Variants in ADARB2 observed in about 807,000 individuals in gnomAD.
The protein encoded by ADARB2 is adenosine deaminase RNA specific B2 (inactive).
Under a neutral mutation model 62.2 loss-of-function variants are expected in ADARB2, and 25 were observed. The ratio of observed to expected loss-of-function variants is 0.40; its 90% confidence interval spans 0.29 to 0.56. The LOEUF is 0.56. ADARB2 is among the 20% of genes least tolerant of loss of function. The pLI is 0.43. For synonymous variants in ADARB2, 572 were observed against 500.8 expected, an observed-to-expected ratio of 1.14 and a Z score of -1.90; for missense variants, 1,071 against 1,077.4, an observed-to-expected ratio of 0.99 and a Z score of 0.08.
chr10:1,478,713 A>C lies in ADARB2; in HGVS notation c.101-99553T>G, dbSNP rs1831432154. On this transcript the variant is annotated intron_variant, in intron 1 of 9. Transcript: ENST00000381312. ...AAGGACCCTCGGACGGGAGAGCGCC[A>C]AAACAAGGACCCTCGGACGGGAGAG... Among the ~76,000 whole-genome samples, 3 of 151,938 alleles carry C rather than the reference A, an allele frequency of 2.0e-5. No homozygotes were observed. In the South Asian group the frequency reaches 6.3e-4, roughly 32 times the overall value.
intron 1 of ADARB2, among the ~76,000 whole-genome samples, chr10:1,511,749 C>T (rs1831939045): frequency 6.6e-6 from 1 of 151,562 alleles, no homozygotes. Context: ...GATACCAAGA[C>T]ATGGATGCTG....
intron 1 of ADARB2, among the ~76,000 whole-genome samples, chr10:1,637,612 A>G (rs897703392): frequency 2.0e-5 from 3 of 152,112 alleles, no homozygotes; most frequent in Non-Finnish European, 2.9e-5. Flanking sequence ...AAAGTATTGT[A>G]AGGTGAATTC....
intron 1 of ADARB2, among the ~76,000 whole-genome samples, chr10:1,453,450 T>G (rs1831062205): frequency 6.6e-6 from 1 of 152,216 alleles, no homozygotes; most frequent in Non-Finnish European, 1.5e-5. Flanking sequence ...TGGTGTAATG[T>G]AAGGGTTTAA....
intron 7 of ADARB2, among the ~76,000 whole-genome samples, chr10:1,209,692 C>T (rs1393895492): frequency 6.6e-6 from 1 of 151,946 alleles, no homozygotes; most frequent in African/African-American, 2.4e-5. Flanking sequence ...CCCACACCAT[C>T]ACCCATGCCC....
chr10:1,626,199 C>T (rs1217079317), intron 1 of ADARB2, among the ~76,000 whole-genome samples: 35 of 146,242 alleles, frequency 2.4e-4, no homozygotes, highest in African/African-American at 8.4e-4. Flanking sequence ...CATCTGCCCA[C>T]GCTCGCTCCT....
At chr10:1,638,592 G>T (rs1019767774) in intron 1 of ADARB2, among the ~76,000 whole-genome samples, 6 of 151,930 alleles carry the variant, frequency 3.9e-5, no homozygotes, top group Non-Finnish European at 7.4e-5. Context: ...GCCAGACATC[G>T]TTCTCTGAGC....
intron 1 of ADARB2, among the ~76,000 whole-genome samples, chr10:1,731,209 C>G (rs980506786): frequency 6.6e-6 from 1 of 152,190 alleles, no homozygotes; most frequent in Non-Finnish European, 1.5e-5. Context: ...CACTCATAAA[C>G]TTGCAGATGG....
At chr10:1,364,149 G>T (rs978001894) in intron 2 of ADARB2, among the ~76,000 whole-genome samples, 2 of 152,222 alleles carry the variant, frequency 1.3e-5, no homozygotes, top group Non-Finnish European at 2.9e-5. Flanking sequence ...AGGAGCTGTC[G>T]TCTTCTGGGC....
intron 3 of ADARB2, among the ~76,000 whole-genome samples, chr10:1,277,945 CTT>C (rs1564244523): frequency 1.3e-5 from 2 of 151,332 alleles, no homozygotes; most frequent in South Asian, 2.1e-4. Flanking sequence ...TCCTTCCTTC[CTT>C]CCTTCCCCTC....
At chr10:1,677,439 T>C (rs1210381960) in intron 1 of ADARB2, among the ~76,000 whole-genome samples, 1 of 152,052 alleles carries the variant, frequency 6.6e-6, no homozygotes, top group Non-Finnish European at 1.5e-5. Flanking sequence ...GAGGTGAACA[T>C]CTGCCCAGGA....
At chr10:1,277,669 A>G (rs560875468) in intron 3 of ADARB2, among the ~76,000 whole-genome samples, 34 of 152,344 alleles carry the variant, frequency 2.2e-4, no homozygotes, top group Non-Finnish European at 4.3e-4. Context: ...GAATTCTACC[A>G]GAGGTAGAAG....
chr10:1,473,096 C>A (rs904085179), intron 1 of ADARB2, among the ~76,000 whole-genome samples: 1 of 152,196 alleles, frequency 6.6e-6, no homozygotes, highest in African/African-American at 2.4e-5. Context: ...GGAAGCATGA[C>A]AATGGATAAA....
intron 1 of ADARB2, among the ~76,000 whole-genome samples, chr10:1,660,302 G>A (rs1467641256): frequency 6.6e-6 from 1 of 152,194 alleles, no homozygotes; most frequent in Non-Finnish European, 1.5e-5. Flanking sequence ...GTTTAGTTTG[G>A]TTCAACAAAC....
intron 1 of ADARB2, among the ~76,000 whole-genome samples, chr10:1,715,236 C>T (rs573375658): frequency 3.6e-4 from 54 of 152,104 alleles, no homozygotes; most frequent in Non-Finnish European, 5.3e-4. Context: ...GCATTTCATT[C>T]GATGCTCAGT....
At chr10:1,474,477 G>A (rs574869709) in intron 1 of ADARB2, among the ~76,000 whole-genome samples, 62 of 152,328 alleles carry the variant, frequency 4.1e-4, no homozygotes, top group Non-Finnish European at 6.3e-4. Context: ...CTAGGAGGAG[G>A]GGGATGCATC....
chr10:1,610,907 GACTC>G (rs1489563527), intron 1 of ADARB2, among the ~76,000 whole-genome samples: 1 of 151,832 alleles, frequency 6.6e-6, no homozygotes, highest in African/African-American at 2.4e-5. Context: ...CACACACACA[GACTC>G]ACACACACAC....
chr10:1,530,627 C>T (rs556134136), intron 1 of ADARB2, among the ~76,000 whole-genome samples: 19 of 152,262 alleles, frequency 1.2e-4, no homozygotes, highest in African/African-American at 3.9e-4. Flanking sequence ...CCATGCACAC[C>T]GACCGCTTGT....
At chr10:1,492,719 TG>T (rs1831638194) in intron 1 of ADARB2, among the ~76,000 whole-genome samples, 1 of 151,988 alleles carries the variant, frequency 6.6e-6, no homozygotes, top group South Asian at 2.1e-4. Context: ...TCCCGGGTGC[TG>T]GGGGACCCCG....
At chr10:1,282,597 T>C (rs751699333) in intron 3 of ADARB2, among the ~76,000 whole-genome samples, 49 of 152,224 alleles carry the variant, frequency 3.2e-4, no homozygotes, top group Middle Eastern at 6.3e-3. Flanking sequence ...ACTTGGGATA[T>C]AATATATACA....
Sources: allele counts gnomAD v4.1 joint callset (sites outside exome capture counted in the v4.1 genomes callset), GRCh38; gene constraint gnomAD v4.1.1; transcripts MANE v1.5; gene names NCBI Gene and HGNC (gene_info 2026-07-23, HGNC 2026-07-21).